SCN9A: variants seen among roughly 807,000 people sequenced by gnomAD.
SCN9A encodes sodium voltage-gated channel alpha subunit 9.
A neutral mutation model predicts 187.0 loss-of-function variants in SCN9A; 131 were observed. The observed-to-expected ratio is 0.70, with a 90% CI of 0.61 to 0.81. The LOEUF is 0.81. Ranked by LOEUF, SCN9A falls within the 30% of genes least tolerant of loss-of-function variation. The pLI is 0.00. For synonymous variants in SCN9A, 809 were observed against 808.6 expected, an observed-to-expected ratio of 1.00 and a Z score of -0.01; for missense variants, 2,252 against 2,396.6, an observed-to-expected ratio of 0.94 and a Z score of 1.26.
At chr2:166,215,215 A>G (rs1694279334) in intron 24 of SCN9A, among the ~76,000 whole-genome samples, 1 of 152,192 alleles carries the variant, frequency 6.6e-6, no homozygotes. Flanking sequence ...CAAAGAAGAA[A>G]TTATACGGAA....
chr2:166,288,100 T>C (rs1314433534), intron 10 of SCN9A, among the ~76,000 whole-genome samples: 1 of 83,784 alleles, frequency 1.2e-5, no homozygotes, highest in African/African-American at 8.2e-5. Flanking sequence ...TGTTTATATA[T>C]ATATATATAT....
At chr2:166,267,266 G>C (rs1233134137) in intron 17 of SCN9A, among the ~76,000 whole-genome samples, 2 of 151,882 alleles carry the variant, frequency 1.3e-5, no homozygotes, top group African/African-American at 4.8e-5. Context: ...TCAAATAAAG[G>C]ATACTGGATT....
At chr2:166,302,101 C>T (rs1235492008) in intron 7 of SCN9A, 1 of 150,876 alleles carries the variant, frequency 6.6e-6, no homozygotes, top group Non-Finnish European at 1.5e-5. Flanking sequence ...CCTTTCCTCC[C>T]TCATTTCCTT....
rs375510818 is a variant in SCN9A at position 166,272,722 on chromosome 2, T to C, written c.3028A>G (p.Ile1010Val). 24 of 1,591,296 alleles carry C rather than the reference T, an allele frequency of 1.5e-5. No individual in the cohort carries two copies. The African/African-American group carries it at 3.1e-4, about 21-fold the overall frequency. The change falls in exon 17 of 27, where the codon ATT (isoleucine) becomes GTT (valine). Residue 1010 changes from isoleucine (I) to valine (V), a missense_variant. Transcript: ENST00000642356. ...NYVKQTLREF[I>V]LKAFSKKPKI... The stretch of plus-strand genomic sequence containing the variant: ...GGCTTTTTGGAAAATGCTTTTAGAA[T>C]AAATTCACGTAAGGTTTGTTTCACA...
chr2:166,204,341 G>GAT lies in SCN9A; in HGVS notation c.4503+17_4503+18dup, dbSNP rs766750230. ...ATAATTTGAAAATCTATATGCTAAA[G>GAT]ATATATATATTTTTTTACCCCTGGT... On this transcript the variant is annotated intron_variant, in intron 25 of 26. Transcript: ENST00000642356. 2.5e-6 allele frequency: 4 copies of GAT among 1,576,686 alleles called. No individual in the cohort carries two copies. The highest frequency in any genetic ancestry group is 2.2e-5 in the East Asian group (1 of 44,546).
chr2:166,340,910 G>A (rs546456054), intron 1 of SCN9A, among the ~76,000 whole-genome samples: 3 of 152,084 alleles, frequency 2.0e-5, no homozygotes, highest in African/African-American at 4.8e-5. Context: ...GGCATGAGCC[G>A]TCCTGCCTGG....
At chr2:166,288,682 GT>G (rs545665657) in intron 9 of SCN9A, 39 bp from the exon 10 acceptor site, 101 of 1,460,386 alleles carry the variant, frequency 6.9e-5, no homozygotes, top group Non-Finnish European at 8.7e-5. Flanking sequence ...ACAATAAAAA[GT>G]TTTTTTAGTA....
At chr2:166,352,391 T>A (rs949039294) in intron 1 of SCN9A, among the ~76,000 whole-genome samples, 1 of 152,136 alleles carries the variant, frequency 6.6e-6, no homozygotes, top group Non-Finnish European at 1.5e-5. Context: ...TAAAACACCA[T>A]GGTAAATTAA....
At chr2:166,288,290 T>C (rs1475487094) in intron 10 of SCN9A, 147 bp downstream of exon 10, 14 of 578,368 alleles carry the variant, frequency 2.4e-5, no homozygotes, top group Non-Finnish European at 3.5e-5. Flanking sequence ...GGTTCCTTTT[T>C]CCACACCAGA....
chr2:166,364,628 G>A (rs1016267337), intron 1 of SCN9A, among the ~76,000 whole-genome samples: 1 of 152,104 alleles, frequency 6.6e-6, no homozygotes, highest in Non-Finnish European at 1.5e-5. Context: ...ACCTAGAATA[G>A]TCACATTCAT....
chr2:166,336,352 A>G (rs1223463997), intron 1 of SCN9A, among the ~76,000 whole-genome samples: 1 of 152,140 alleles, frequency 6.6e-6, no homozygotes, highest in Admixed American at 6.6e-5. Flanking sequence ...TGTCTTGACA[A>G]AGCCAATAAA....
At chr2:166,253,696 T>A (rs1259238298) in intron 17 of SCN9A, among the ~76,000 whole-genome samples, 1 of 151,722 alleles carries the variant, frequency 6.6e-6, no homozygotes, top group African/African-American at 2.4e-5. Flanking sequence ...ACGTGAACTA[T>A]CACCAGAGAA....
At chr2:166,205,521 T>C (rs1558946677) in intron 24 of SCN9A, among the ~76,000 whole-genome samples, 1 of 152,152 alleles carries the variant, frequency 6.6e-6, no homozygotes, top group South Asian at 2.1e-4. Context: ...TCAAGATGGA[T>C]TAAAGACTTA....
chr2:166,251,436 A>G (rs1452822757), intron 18 of SCN9A, among the ~76,000 whole-genome samples: 1 of 152,084 alleles, frequency 6.6e-6, no homozygotes, highest in African/African-American at 2.4e-5. Context: ...GATTAAAAGG[A>G]CCAGAGTACA....
At chr2:166,317,601 T>C (rs1699139690) in intron 1 of SCN9A, among the ~76,000 whole-genome samples, 1 of 152,204 alleles carries the variant, frequency 6.6e-6, no homozygotes, top group Non-Finnish European at 1.5e-5. Flanking sequence ...GACACACACA[T>C]ATATATAGAT....
At chr2:166,210,724 C>T (rs1419399585) in intron 24 of SCN9A, among the ~76,000 whole-genome samples, 1 of 151,804 alleles carries the variant, frequency 6.6e-6, no homozygotes, top group African/African-American at 2.4e-5. Flanking sequence ...ATATGAACAT[C>T]TAAATTCAGG....
chr2:166,209,961 A>G (rs1694006234), intron 24 of SCN9A, among the ~76,000 whole-genome samples: 1 of 152,220 alleles, frequency 6.6e-6, no homozygotes, highest in South Asian at 2.1e-4. Context: ...GACTGGGTAT[A>G]TACCCAAAGG....
intron 24 of SCN9A, among the ~76,000 whole-genome samples, chr2:166,221,183 C>A (rs1574744146): frequency 6.6e-6 from 1 of 151,904 alleles, no homozygotes; most frequent in South Asian, 2.1e-4. Context: ...ATGGAAAGAC[C>A]CAGTATTCAC....
At chr2:166,359,201 T>C (rs371916205) in intron 1 of SCN9A, among the ~76,000 whole-genome samples, 1 of 152,178 alleles carries the variant, frequency 6.6e-6, no homozygotes, top group East Asian at 1.9e-4. Flanking sequence ...CTTTTATGTG[T>C]GTACAATTTC....
Sources: gnomAD v4.1 joint callset for allele counts (sites outside exome capture counted in the v4.1 genomes callset) on GRCh38, gnomAD v4.1.1 for gene constraint, MANE v1.5 for transcripts, NCBI Gene and HGNC (gene_info 2026-07-23, HGNC 2026-07-21) for gene names.